Variants in UBXN2A observed in about 807,000 individuals in gnomAD.
UBXN2A encodes UBX domain-containing protein 2A.
Under a neutral mutation model 28.4 loss-of-function variants are expected in UBXN2A, and 28 were observed. The observed-to-expected ratio is 0.99, with a 90% CI of 0.73 to 1.35. The LOEUF is 1.35. Ranked by LOEUF, UBXN2A falls within the 40% of genes most tolerant of loss-of-function variation. The pLI is 0.00. For missense variants in UBXN2A, 253 were observed against 297.9 expected, an observed-to-expected ratio of 0.85 and a Z score of 1.11; for synonymous variants, 97 against 103.6, an observed-to-expected ratio of 0.94 and a Z score of 0.39.
chr2:23,980,449 T>C (rs1379581912), intron 4 of UBXN2A, among the ~76,000 whole-genome samples: 2 of 152,156 alleles, frequency 1.3e-5, no homozygotes, highest in Non-Finnish European at 1.5e-5. Flanking sequence ...CACATTAGCT[T>C]CTGTTTTTTT....
chr2:23,969,601 T>C (rs1030806879), intron 2 of UBXN2A, among the ~76,000 whole-genome samples: 14 of 152,052 alleles, frequency 9.2e-5, no homozygotes, highest in African/African-American at 3.4e-4. Context: ...GACTTCATGA[T>C]CCTCCCGCCT....
intron 1 of UBXN2A, among the ~76,000 whole-genome samples, chr2:23,931,010 C>G (rs952211077): frequency 2.0e-5 from 3 of 151,976 alleles, no homozygotes; most frequent in African/African-American, 7.2e-5. Context: ...CCTAAAAATA[C>G]AAAAAAATTA....
At chr2:23,987,830 A>G (rs1250893844) in intron 6 of UBXN2A, among the ~76,000 whole-genome samples, 1 of 150,374 alleles carries the variant, frequency 6.7e-6, no homozygotes, top group Non-Finnish European at 1.5e-5. Context: ...AACAATATAA[A>G]GAACTTTTCT....
intron 1 of UBXN2A, among the ~76,000 whole-genome samples, chr2:23,944,546 C>T (rs999395393): frequency 5.3e-5 from 8 of 152,174 alleles, no homozygotes; most frequent in African/African-American, 1.7e-4. Context: ...CCCCTTGTTT[C>T]TAAAGATGGG....
At chr2:23,953,576 TA>T (rs1293311143) in intron 1 of UBXN2A, among the ~76,000 whole-genome samples, 21 of 152,334 alleles carry the variant, frequency 1.4e-4, no homozygotes, top group Middle Eastern at 3.4e-3. Flanking sequence ...GATTCTTTCA[TA>T]ACTTTTTTTT....
upstream of UBXN2A, chr2:23,939,427 A>G (rs113912059): frequency 7.2e-5 from 11 of 152,316 alleles, no homozygotes; most frequent in African/African-American, 2.4e-4. Context: ...CCTTTTACAG[A>G]GATGAGTGAA....
intron 6 of UBXN2A, among the ~76,000 whole-genome samples, chr2:23,992,177 G>A (rs1708378349): frequency 6.6e-6 from 1 of 151,950 alleles, no homozygotes; most frequent in Admixed American, 6.6e-5. Flanking sequence ...TCACCATGTT[G>A]GCCAGGCTGG....
chr2:23,931,362 C>G (rs1705363274), intron 1 of UBXN2A, among the ~76,000 whole-genome samples: 1 of 151,930 alleles, frequency 6.6e-6, no homozygotes, highest in African/African-American at 2.4e-5. Flanking sequence ...ATGAGAATCA[C>G]TTGAACCTGA....
At chr2:23,928,040 G>C (rs948855823) in intron 1 of UBXN2A, among the ~76,000 whole-genome samples, 6 of 151,812 alleles carry the variant, frequency 4.0e-5, no homozygotes, top group African/African-American at 1.5e-4. Context: ...GATGGGTGTT[G>C]TGGTGGGCAC....
intron 2 of UBXN2A, among the ~76,000 whole-genome samples, chr2:23,969,406 A>G (rs936444154): frequency 2.0e-5 from 3 of 151,860 alleles, no homozygotes; most frequent in African/African-American, 7.3e-5. Context: ...CTCTGTTGCC[A>G]GGCTGGAGTG....
Position 23,982,882 on chromosome 2 carries a change from C to G in UBXN2A, c.288-14C>G, listed in dbSNP as rs771588209. On this transcript the variant is annotated splice_polypyrimidine_tract_variant and intron_variant, in intron 4 of 6. Transcript: ENST00000309033. ...CATTGGGAGCTTTATCATTTTCTTT[C>G]TTTGTTTTCCAAGGGAATTACCTTC... 1.3e-6 allele frequency: 2 copies of G among 1,577,746 alleles called. No homozygotes were observed. The highest frequency in any genetic ancestry group is 2.7e-5 in the African/African-American group (2 of 73,128).
chr2:23,943,894 C>T (rs1210819516), intron 1 of UBXN2A: 2 of 403,570 alleles, frequency 5.0e-6, no homozygotes, highest in Non-Finnish European at 4.9e-6. Context: ...TGCCTCCGAG[C>T]GCACTTTAGC....
upstream of UBXN2A, among the ~76,000 whole-genome samples, chr2:23,938,751 A>T (rs748355953): frequency 3.9e-5 from 6 of 152,192 alleles, no homozygotes; most frequent in Non-Finnish European, 8.8e-5. Flanking sequence ...GCATAAAGAT[A>T]AGATACATAA....
At chr2:23,999,072 G>A (rs1048549293) in intron 6 of UBXN2A, among the ~76,000 whole-genome samples, 5 of 152,188 alleles carry the variant, frequency 3.3e-5, no homozygotes, top group African/African-American at 4.8e-5. Flanking sequence ...AAAGTGGCAC[G>A]TAGTGAATTT....
Position 23,984,768 on chromosome 2 carries a change from C to T in UBXN2A, c.521C>T (p.Thr174Ile). The T allele has an allele frequency of 6.4e-7, 1 of 1,572,406 alleles. No homozygotes were observed. Among genetic ancestry groups the T allele is most frequent in the African/African-American group, 1.4e-5 (1 of 71,954 alleles). The change falls in exon 6 of 7, where the codon ACT (threonine) becomes ATT (isoleucine). Residue 174 changes from threonine to isoleucine, a missense_variant. Coordinates refer to ENST00000309033, the MANE Select transcript of UBXN2A (RefSeq NM_181713.4). ...AVPLNNLEPI[T>I]NIQIWLANGK... ...CCACTGAACAACTTGGAACCCATTA[C>T]TAATATACAGATCTGGTTGGCCAAT...
chr2:23,976,960 G>A lies in UBXN2A; in HGVS notation c.181-9G>A. ...AACATGACGCATTTTGTTTCCTACT[G>A]TTTTGCAGGTAGATGTAAATATAAA... is the stretch of plus-strand genomic sequence containing the variant. On this transcript the variant is annotated splice_polypyrimidine_tract_variant and intron_variant, in intron 3 of 6. Transcript: ENST00000309033. 6.3e-7 allele frequency: 1 copy of A among 1,599,218 alleles called. No individual in the cohort carries two copies. Among genetic ancestry groups the A allele is most frequent in the Middle Eastern group, 1.7e-4 (1 of 6,022 alleles).
chr2:23,971,177 C>A, intron 2 of UBXN2A, 99 bp from the exon 3 acceptor site: 9 of 1,298,546 alleles, frequency 6.9e-6, no homozygotes, highest in Non-Finnish European at 9.2e-6. Context: ...TACAGACATG[C>A]ACGTAGCATC....
intron 1 of UBXN2A, among the ~76,000 whole-genome samples, chr2:23,943,396 G>A (rs1465820947): frequency 6.6e-6 from 1 of 152,108 alleles, no homozygotes; most frequent in Non-Finnish European, 1.5e-5. Context: ...AAATTTAAGA[G>A]TACCTAACTG....
chr2:23,978,155 G>A (rs527749146), intron 4 of UBXN2A, among the ~76,000 whole-genome samples: 59 of 152,114 alleles, frequency 3.9e-4, no homozygotes, highest in Non-Finnish European at 6.8e-4. Context: ...AGAAAGTTTA[G>A]GAACTTGAAT....
Sources: allele counts gnomAD v4.1 joint callset (sites outside exome capture counted in the v4.1 genomes callset), GRCh38; gene constraint gnomAD v4.1.1; transcripts MANE v1.5; gene names NCBI Gene and HGNC (gene_info 2026-07-23, HGNC 2026-07-21).